Variants in EYA2 observed in about 807,000 individuals in gnomAD.
EYA2 encodes the protein EYA transcriptional coactivator and phosphatase 2.
A neutral mutation model predicts 69.2 loss-of-function variants in EYA2; 31 were observed. The ratio of observed to expected loss-of-function variants is 0.45; its 90% CI spans 0.34 to 0.60. The LOEUF is 0.60. EYA2 is among the 20% of genes least tolerant of loss of function. EYA2 has a pLI of 0.02. For missense variants in EYA2, 622 were observed against 701.2 expected (o/e 0.89, Z 1.28); for synonymous variants, 257 against 279.4 (o/e 0.92, Z 0.80).
intron 8 of EYA2, 26 bp downstream of exon 8, chr20:47,089,407 C>T: frequency 6.3e-7 from 1 of 1,598,238 alleles, no homozygotes; most frequent in Non-Finnish European, 8.5e-7. Flanking sequence ...TCTGTGTGAC[C>T]TGGTGAATGT....
chr20:47,027,275 G>A (rs1984147811), intron 5 of EYA2, among the ~76,000 whole-genome samples: 1 of 152,186 alleles, frequency 6.6e-6, no homozygotes, highest in African/African-American at 2.4e-5. Context: ...AGCCAGTTTT[G>A]AGCAGTCTAA....
At chr20:46,901,973 G>A (rs1301955200) in intron 1 of EYA2, among the ~76,000 whole-genome samples, 2 of 152,222 alleles carry the variant, frequency 1.3e-5, no homozygotes, top group Non-Finnish European at 1.5e-5. Context: ...TGGCTGGGGT[G>A]TGGAGAGAAG....
intron 10 of EYA2, chr20:47,161,543 C>T (rs931017401): frequency 4.3e-5 from 17 of 392,918 alleles, no homozygotes; most frequent in East Asian, 7.7e-5. Context: ...TGGGGATAGA[C>T]GTCCACTCCT....
intron 1 of EYA2, among the ~76,000 whole-genome samples, chr20:46,908,390 T>C (rs1984467301): frequency 6.6e-6 from 1 of 152,052 alleles, no homozygotes; most frequent in Non-Finnish European, 1.5e-5. Context: ...AAAGAAGCGG[T>C]AGCAAGGACA....
At chr20:47,059,861 C>G (rs1246709957) in intron 5 of EYA2, among the ~76,000 whole-genome samples, 1 of 152,240 alleles carries the variant, frequency 6.6e-6, no homozygotes, top group Non-Finnish European at 1.5e-5. Context: ...TGGGTCTGGA[C>G]TCTTCACATC....
intron 1 of EYA2, among the ~76,000 whole-genome samples, chr20:46,967,976 T>C (rs1294589580): frequency 6.6e-6 from 1 of 152,196 alleles, no homozygotes; most frequent in Non-Finnish European, 1.5e-5. Context: ...TGAAGGGTGG[T>C]TAGACCAAGC....
chr20:47,066,055 G>C (rs575444127), intron 5 of EYA2, among the ~76,000 whole-genome samples: 2 of 152,160 alleles, frequency 1.3e-5, no homozygotes, highest in Non-Finnish European at 2.9e-5. Flanking sequence ...AAATTGTTTT[G>C]CTGGCTGGGC....
At chr20:47,026,164 G>A (rs1984069132) in intron 5 of EYA2, among the ~76,000 whole-genome samples, 1 of 152,218 alleles carries the variant, frequency 6.6e-6, no homozygotes, top group South Asian at 2.1e-4. Flanking sequence ...CGTGGAGAAG[G>A]TGATGTCTTG....
At chr20:47,179,412 TTGGGTGGATGGA>T (rs1181299373) in intron 12 of EYA2, among the ~76,000 whole-genome samples, 1 of 129,488 alleles carries the variant, frequency 7.7e-6, no homozygotes, top group East Asian at 2.3e-4. Context: ...TGGATGGATA[TTGGGTGGATGGA>T]TGGGTGGATA....
intron 9 of EYA2, among the ~76,000 whole-genome samples, chr20:47,128,577 A>G (rs2033258057): frequency 6.6e-6 from 1 of 151,278 alleles, no homozygotes; most frequent in Non-Finnish European, 1.5e-5. Context: ...TTTTTTTCCT[A>G]ATAAATCATT....
chr20:47,148,058 CAA>C (rs1264883844), intron 10 of EYA2, among the ~76,000 whole-genome samples: 9 of 82,758 alleles, frequency 1.1e-4, no homozygotes, highest in Admixed American at 1.3e-4. Flanking sequence ...GACTCTGTCT[CAA>C]AAAAAAAAAA....
At position 47,129,676 on chromosome 20, in the gene EYA2, G is replaced by A. The variant is rs368732850; in HGVS notation, c.889-13383G>A. On this transcript the variant is annotated intron_variant, in intron 9 of 15. Coordinates refer to ENST00000327619, the MANE Select transcript of EYA2 (RefSeq NM_005244.5). Reference sequence around the variant, plus strand: ...GTGGACAACAGACATGGGGGACAAGGGAGGCTAGCTGCCTTTATAGTGGCC... The same window carrying A: ...GTGGACAACAGACATGGGGGACAAGAGAGGCTAGCTGCCTTTATAGTGGCC... 9.2e-5 allele frequency among the ~76,000 whole-genome samples: 14 copies of A among 152,294 alleles called. No individual in the cohort carries two copies. In the South Asian group the frequency reaches 2.9e-3, roughly 32 times the overall value.
At chr20:47,076,116 G>T (rs1159724686) in intron 7 of EYA2, among the ~76,000 whole-genome samples, 3 of 152,194 alleles carry the variant, frequency 2.0e-5, no homozygotes, top group African/African-American at 2.4e-5. Context: ...GGGCATCTAG[G>T]TTGATTCTTT....
chr20:47,148,134 T>C (rs549043778), intron 10 of EYA2, among the ~76,000 whole-genome samples: 4 of 152,070 alleles, frequency 2.6e-5, no homozygotes, highest in Non-Finnish European at 4.4e-5. Flanking sequence ...CTTAGGATAT[T>C]CTGCACGCAT....
At chr20:47,072,095 T>C in intron 5 of EYA2, 90 bp from the exon 6 acceptor site, 2 of 1,181,008 alleles carry the variant, frequency 1.7e-6, no homozygotes, top group South Asian at 1.2e-5. Context: ...TGAAGCCACA[T>C]GGAGGGAGGT....
chr20:47,031,607 T>G (rs1261665570), intron 5 of EYA2, among the ~76,000 whole-genome samples: 1 of 152,206 alleles, frequency 6.6e-6, no homozygotes, highest in East Asian at 1.9e-4. Context: ...TTATTACAAC[T>G]TATCCTTTTA....
chr20:46,963,643 G>T (rs540683733), intron 1 of EYA2, among the ~76,000 whole-genome samples: 1 of 152,318 alleles, frequency 6.6e-6, no homozygotes, highest in African/African-American at 2.4e-5. Context: ...GATTCATTTG[G>T]TCTGAAGTGG....
At chr20:46,899,889 A>G (rs1168963269) in intron 1 of EYA2, among the ~76,000 whole-genome samples, 2 of 152,312 alleles carry the variant, frequency 1.3e-5, no homozygotes, top group Non-Finnish European at 2.9e-5. Context: ...TGCATTTTTG[A>G]AAAGTCTGCC....
At chr20:47,018,202 G>A (rs992094760) in intron 5 of EYA2, among the ~76,000 whole-genome samples, 4 of 152,152 alleles carry the variant, frequency 2.6e-5, no homozygotes, top group Non-Finnish European at 4.4e-5. Flanking sequence ...GGCTTCTGAG[G>A]CCACAGAGGT....
Sources: gnomAD v4.1 joint callset for allele counts (sites outside exome capture counted in the v4.1 genomes callset) on GRCh38, gnomAD v4.1.1 for gene constraint, MANE v1.5 for transcripts, NCBI Gene and HGNC (gene_info 2026-07-23, HGNC 2026-07-21) for gene names.